Variants in CCNB3 observed in about 807,000 individuals in gnomAD.
CCNB3 encodes cyclin B3.
CCNB3 carries 12 observed loss-of-function variants against 68.0 expected under a neutral mutation model. That is an observed-to-expected ratio of 0.18 (90% CI 0.11 to 0.29). The LOEUF is 0.29. Among genes scored for constraint, CCNB3 ranks in the 10% least tolerant of loss-of-function variants. CCNB3 has a pLI of 1.00. For missense variants in CCNB3, 904 were observed against 993.1 expected, an observed-to-expected ratio of 0.91 and a Z score of 1.21; for synonymous variants, 354 against 388.9, an observed-to-expected ratio of 0.91 and a Z score of 1.06.
At chrX:50,226,434 A>T (rs1172159826) in intron 1 of CCNB3, among the ~76,000 whole-genome samples, 6 of 24,871 alleles carry the variant, frequency 2.4e-4, no homozygotes, top group Admixed American at 6.2e-4. Context: ...AGAATATATA[A>T]AAATATATAT....
intron 1 of CCNB3, among the ~76,000 whole-genome samples, chrX:50,212,115 C>G (rs1935492855): frequency 8.9e-6 from 1 of 112,165 alleles, no homozygotes; most frequent in Admixed American, 9.5e-5. Context: ...TTATAATTCA[C>G]ACATCACATT....
chrX:50,216,515 G>A (rs1190491077), intron 1 of CCNB3, among the ~76,000 whole-genome samples: 3 of 110,815 alleles, frequency 2.7e-5, no homozygotes, highest in South Asian at 3.9e-4. Context: ...TGATCCGCTC[G>A]CCTCGGCCTC....
chrX:50,305,360 A>T (rs782535458), intron 5 of CCNB3, among the ~76,000 whole-genome samples: 4 of 111,781 alleles, frequency 3.6e-5, no homozygotes, highest in African/African-American at 9.7e-5. Flanking sequence ...TTGTAGGGAC[A>T]TGGATGAAGC....
In CCNB3 at chrX:50,220,873, G is replaced by T. The variant is rs1224821183; in HGVS notation, c.-113+15923G>T. On this transcript the variant is annotated intron_variant, in intron 1 of 12. Coordinates refer to ENST00000376042, the MANE Select transcript of CCNB3 (RefSeq NM_033031.3). Reference sequence around the variant, plus strand: ...GTACCAGCTCCTGTTTGCACCTCTGGTAGAATGCGGTTGTGAATCCGTCTG... The same window carrying T: ...GTACCAGCTCCTGTTTGCACCTCTGTTAGAATGCGGTTGTGAATCCGTCTG... 3.6e-5 allele frequency among the ~76,000 whole-genome samples: 4 copies of T among 111,303 alleles called. No individual in the cohort carries two copies. The Admixed American group carries it at 3.8e-4, about 11-fold the overall frequency.
At chrX:50,207,423 C>T (rs1240021085) in intron 1 of CCNB3, among the ~76,000 whole-genome samples, 9 of 112,248 alleles carry the variant, frequency 8.0e-5, no homozygotes, top group African/African-American at 2.6e-4. Flanking sequence ...AACAGGACTT[C>T]TTGAAGAGAA....
At chrX:50,219,053 C>A (rs1345145774) in intron 1 of CCNB3, among the ~76,000 whole-genome samples, 1 of 111,544 alleles carries the variant, frequency 9.0e-6, no homozygotes, top group Non-Finnish European at 1.9e-5. Flanking sequence ...CATATGTTGG[C>A]CATATAAATG....
chrX:50,226,386 A>G (rs1241824851), intron 1 of CCNB3, among the ~76,000 whole-genome samples: 2 of 54,094 alleles, frequency 3.7e-5, no homozygotes, highest in Non-Finnish European at 6.0e-5. Context: ...AAATATATAT[A>G]TAGAATATAT....
chrX:50,302,256 C>G (rs1039188756), intron 5 of CCNB3, among the ~76,000 whole-genome samples: 4 of 111,775 alleles, frequency 3.6e-5, no homozygotes, highest in Non-Finnish European at 7.5e-5. Context: ...GGAGCTGTTC[C>G]TATTTGGCTA....
chrX:50,311,753 T>C (rs1443732709), intron 6 of CCNB3, among the ~76,000 whole-genome samples: 3 of 110,680 alleles, frequency 2.7e-5, no homozygotes, highest in Admixed American at 9.7e-5. Context: ...TCTCACCTTT[T>C]GTAGCCTGAG....
At chrX:50,295,583 A>T (rs957293669) in intron 5 of CCNB3, among the ~76,000 whole-genome samples, 1 of 111,676 alleles carries the variant, frequency 9.0e-6, no homozygotes, top group African/African-American at 3.3e-5. Context: ...GGACTAACTA[A>T]TCTACATCTG....
chrX:50,210,115 A>G (rs924513819), intron 1 of CCNB3, among the ~76,000 whole-genome samples: 3 of 111,976 alleles, frequency 2.7e-5, no homozygotes, highest in Non-Finnish European at 5.6e-5. Context: ...TCTTGGATCC[A>G]TCTGTAATCT....
intron 5 of CCNB3, among the ~76,000 whole-genome samples, chrX:50,297,324 A>G (rs1221299931): frequency 1.2e-4 from 13 of 111,704 alleles, no homozygotes; most frequent in African/African-American, 3.6e-4. Context: ...AAAGGAAGGG[A>G]TCCAGTTTCA....
chrX:50,342,414 T>G (rs781793160), intron 9 of CCNB3, 75 bp downstream of exon 9: 2 of 970,302 alleles, frequency 2.1e-6, no homozygotes, highest in Admixed American at 3.1e-5. Context: ...TATATTCATA[T>G]ATATTCATTG....
chrX:50,303,397 C>T (rs368662296), intron 5 of CCNB3, among the ~76,000 whole-genome samples: 64 of 109,617 alleles, frequency 5.8e-4, no homozygotes, highest in Non-Finnish European at 1.0e-3. Context: ...CTGCCTGCCT[C>T]GGCCTCCCAA....
At chrX:50,279,256 T>C (rs1477352560) in intron 1 of CCNB3, among the ~76,000 whole-genome samples, 1 of 70,718 alleles carries the variant, frequency 1.4e-5, no homozygotes, top group East Asian at 4.4e-4. Flanking sequence ...ATACTATATA[T>C]AAATATATAG....
At chrX:50,279,867 T>C (rs1342413105) in intron 1 of CCNB3, among the ~76,000 whole-genome samples, 5 of 87,420 alleles carry the variant, frequency 5.7e-5, no homozygotes, top group Admixed American at 1.6e-4. Flanking sequence ...ATATACTATA[T>C]ATAAAATATA....
chrX:50,319,429 C>A (rs941241144), intron 8 of CCNB3, among the ~76,000 whole-genome samples: 3 of 111,270 alleles, frequency 2.7e-5, no homozygotes, highest in Non-Finnish European at 3.8e-5. Flanking sequence ...TTATACATTG[C>A]CAGTATGAAA....
intron 8 of CCNB3, among the ~76,000 whole-genome samples, chrX:50,331,165 G>A (rs1341535155): frequency 9.0e-6 from 1 of 111,533 alleles, no homozygotes; most frequent in Admixed American, 9.5e-5. Flanking sequence ...CAGCCCGGGA[G>A]TTTGCCTGTT....
In CCNB3 at chrX:50,351,226, T is replaced by C. The variant is rs368520700; in HGVS notation, c.3961-15T>C. The C allele has an allele frequency of 8.3e-7, 1 of 1,209,386 alleles. No homozygotes were observed. The highest frequency in any genetic ancestry group is 1.7e-5 in the African/African-American group (1 of 57,260). ...TTCCTATAGTAGAAATCACTATTCATGCTGCTTCTTCCAGGTTCCCTTCCT... is the reference window on the plus strand; with the variant it reads ...TTCCTATAGTAGAAATCACTATTCACGCTGCTTCTTCCAGGTTCCCTTCCT... On this transcript the variant is annotated splice_polypyrimidine_tract_variant and intron_variant, in intron 11 of 12. Transcript: ENST00000376042.
Sources: allele counts gnomAD v4.1 joint callset (sites outside exome capture counted in the v4.1 genomes callset), GRCh38; gene constraint gnomAD v4.1.1; transcripts MANE v1.5; gene names NCBI Gene and HGNC (gene_info 2026-07-23, HGNC 2026-07-21).